ADAMTS12: variants seen among roughly 807,000 people sequenced by gnomAD.
ADAMTS12 encodes the protein ADAM metallopeptidase with thrombospondin type 1 motif 12.
Under a neutral mutation model 167.8 loss-of-function variants are expected in ADAMTS12, and 118 were observed. The observed-to-expected ratio is 0.70, with a 90% CI of 0.61 to 0.82. The LOEUF (loss-of-function observed/expected upper bound fraction) is 0.82, where lower values mean the gene tolerates loss of function less well. Ranked by LOEUF, ADAMTS12 falls within the 40% of genes least tolerant of loss-of-function variation. The pLI is 0.00. For synonymous variants in ADAMTS12, 704 were observed against 716.9 expected (o/e 0.98, Z 0.29); for missense variants, 1,916 against 1,998.8 (o/e 0.96, Z 0.79).
chr5:33,714,013 T>A (rs1340881783), intron 3 of ADAMTS12, among the ~76,000 whole-genome samples: 2 of 152,252 alleles, frequency 1.3e-5, no homozygotes, highest in Admixed American at 1.3e-4. Context: ...CCTGAAATCT[T>A]CATGTGGGCT....
At chr5:33,535,308 C>G (rs1744336954) in intron 22 of ADAMTS12, among the ~76,000 whole-genome samples, 1 of 152,180 alleles carries the variant, frequency 6.6e-6, no homozygotes, top group South Asian at 2.1e-4. Context: ...CTCCAGGAAC[C>G]TACGTTGGTG....
At chr5:33,645,020 G>A (rs1053188136) in intron 9 of ADAMTS12, among the ~76,000 whole-genome samples, 35 of 152,020 alleles carry the variant, frequency 2.3e-4, no homozygotes, top group Admixed American at 2.6e-4. Context: ...GTAAGCCACC[G>A]TACCCGGCCT....
At position 33,531,632 on chromosome 5, in the gene ADAMTS12, G is replaced by A. The variant is rs557767573; in HGVS notation, c.4606+3201C>T. ...AATCTCTTGTACTGGTGATGGGGCA[G>A]GAGAAGATCACATGAATAGGTCTTC... On this transcript the variant is annotated intron_variant, in intron 23 of 23. Transcript: ENST00000504830. Among the ~76,000 whole-genome samples the A allele has an allele frequency of 3.0e-3, 457 of 152,288 alleles. 3 individuals carry two copies. The highest frequency in any genetic ancestry group is 7.7e-3 in the Admixed American group (118 of 15,294).
chr5:33,773,762 T>G (rs1745823952), intron 2 of ADAMTS12, among the ~76,000 whole-genome samples: 1 of 152,176 alleles, frequency 6.6e-6, no homozygotes, highest in Non-Finnish European at 1.5e-5. Flanking sequence ...AAAGTTGCTT[T>G]TTGAGGGTGA....
chr5:33,584,749 GC>G (rs1338587765), intron 18 of ADAMTS12, among the ~76,000 whole-genome samples: 15 of 152,182 alleles, frequency 9.9e-5, no homozygotes, highest in Admixed American at 6.5e-4. Context: ...CAATTAGATT[GC>G]CAGGGCTGGA....
chr5:33,826,590 A>G (rs199630724), intron 2 of ADAMTS12, among the ~76,000 whole-genome samples: 1 of 30,318 alleles, frequency 3.3e-5, no homozygotes, highest in East Asian at 5.2e-4. Flanking sequence ...GTGTGTGTAT[A>G]TATATATATA....
intron 16 of ADAMTS12, among the ~76,000 whole-genome samples, chr5:33,599,371 T>C (rs979252077): frequency 2.0e-5 from 3 of 152,196 alleles, no homozygotes; most frequent in African/African-American, 7.2e-5. Context: ...TTGATTTTAT[T>C]GATTTTTCAT....
intron 16 of ADAMTS12, among the ~76,000 whole-genome samples, chr5:33,605,825 C>A (rs987962193): frequency 6.6e-6 from 1 of 152,140 alleles, no homozygotes; most frequent in South Asian, 2.1e-4. Context: ...CTCATACCAA[C>A]CATACAAAAT....
At chr5:33,729,367 A>G (rs1047231839) in intron 3 of ADAMTS12, among the ~76,000 whole-genome samples, 1 of 152,232 alleles carries the variant, frequency 6.6e-6, no homozygotes, top group African/African-American at 2.4e-5. Flanking sequence ...ACCTCACTGG[A>G]AAGTCCCTAG....
chr5:33,715,505 A>G (rs1743571873), intron 3 of ADAMTS12, among the ~76,000 whole-genome samples: 1 of 152,126 alleles, frequency 6.6e-6, no homozygotes, highest in Non-Finnish European at 1.5e-5. Context: ...AAGAAGTAAA[A>G]ATAAAAACTT....
chr5:33,582,092 T>C (rs933581911), intron 18 of ADAMTS12, among the ~76,000 whole-genome samples: 1 of 152,166 alleles, frequency 6.6e-6, no homozygotes, highest in African/African-American at 2.4e-5. Flanking sequence ...TCTGCCCAGT[T>C]TGTGGTACTT....
chr5:33,686,273 A>G (rs766032789), intron 3 of ADAMTS12, among the ~76,000 whole-genome samples: 15 of 152,098 alleles, frequency 9.9e-5, no homozygotes, highest in Admixed American at 2.6e-4. Context: ...CAGAGGCTTC[A>G]GCTCACCTCA....
At chr5:33,648,698 C>T (rs1740767765) in intron 9 of ADAMTS12, 124 bp downstream of exon 9, 1 of 1,259,202 alleles carries the variant, frequency 7.9e-7, no homozygotes, top group Non-Finnish European at 1.1e-6. Flanking sequence ...CACACCTTGC[C>T]TTAAATATAA....
chr5:33,738,617 C>CA (rs1251571672), intron 3 of ADAMTS12, among the ~76,000 whole-genome samples: 3 of 152,252 alleles, frequency 2.0e-5, no homozygotes, highest in Non-Finnish European at 4.4e-5. Flanking sequence ...ATCTTCCTAA[C>CA]AGACCTGCAT....
chr5:33,776,041 T>C lies in ADAMTS12; in HGVS notation c.490-24493A>G, dbSNP rs190085698. Among the ~76,000 whole-genome samples the C allele has an allele frequency of 1.8e-3, 275 of 152,176 alleles. 1 individual carries two copies. Among genetic ancestry groups the C allele is most frequent in the African/African-American group, 6.3e-3 (260 of 41,500 alleles). On this transcript the variant is annotated intron_variant, in intron 2 of 23. Coordinates refer to ENST00000504830, the MANE Select transcript of ADAMTS12 (RefSeq NM_030955.4). ...AAAACATAACAATTGTACATAAATA[T>C]GCACCCAACATCACAGTACCTCAGT...
intron 14 of ADAMTS12, among the ~76,000 whole-genome samples, chr5:33,622,350 A>G (rs933522568): frequency 2.4e-4 from 37 of 152,162 alleles, no homozygotes; most frequent in African/African-American, 7.2e-4. Flanking sequence ...AGGAACTCAT[A>G]AAGAAAATTA....
At position 33,524,848 on chromosome 5, in the gene ADAMTS12, T is replaced by G. The variant is rs1319813288; in HGVS notation, c.*2340A>C. ...AGCCAATGTTCTGCCTTTGAGAAAC[T>G]GGAAAAAGACCTAGAATGGAGCACC... is the stretch of plus-strand genomic sequence containing the variant. On this transcript the variant is annotated 3_prime_UTR_variant, in exon 24 of 24. Coordinates refer to ENST00000504830, the MANE Select transcript of ADAMTS12 (RefSeq NM_030955.4). 1 of 152,196 alleles carries G rather than the reference T, an allele frequency of 6.6e-6. No homozygotes were observed. Among genetic ancestry groups the G allele is most frequent in the Non-Finnish European group, 1.5e-5 (1 of 68,052 alleles). 9.4% of individuals were successfully genotyped at this position (152,196 alleles called of 1,614,324 possible). A position where few individuals can be genotyped will look rare whatever the true frequency, so the allele number is the denominator to read the frequency against.
At chr5:33,566,861 C>T (rs1156714693) in intron 19 of ADAMTS12, among the ~76,000 whole-genome samples, 1 of 152,184 alleles carries the variant, frequency 6.6e-6, no homozygotes, top group East Asian at 1.9e-4. Context: ...TTGGAGCATA[C>T]AACTTCCTGC....
chr5:33,756,773 G>A (rs55979811), intron 2 of ADAMTS12, among the ~76,000 whole-genome samples: 19,317 of 152,164 alleles, frequency 0.13, 1,662 homozygotes, highest in Non-Finnish European at 0.19. Flanking sequence ...TGGTGTATCT[G>A]CCTGATAGTT....
Sources: gnomAD v4.1 joint callset for allele counts (sites outside exome capture counted in the v4.1 genomes callset) on GRCh38, gnomAD v4.1.1 for gene constraint, MANE v1.5 for transcripts, NCBI Gene and HGNC (gene_info 2026-07-23, HGNC 2026-07-21) for gene names.